Variants in HSPA4L observed in about 807,000 individuals in gnomAD.
The protein encoded by HSPA4L is heat shock protein family A (Hsp70) member 4 like.
In HSPA4L, 48 loss-of-function variants were observed where a neutral mutation model predicts 100.3. The ratio of observed to expected loss-of-function variants is 0.48; its 90% CI spans 0.38 to 0.61. The LOEUF (loss-of-function observed/expected upper bound fraction) is 0.61, where lower values mean the gene tolerates loss of function less well. HSPA4L is among the 20% of genes least tolerant of loss of function. The pLI is 0.00. For synonymous variants in HSPA4L, 319 were observed against 328.2 expected, an observed-to-expected ratio of 0.97 and a Z score of 0.30; for missense variants, 886 against 988.6, an observed-to-expected ratio of 0.90 and a Z score of 1.39.
intron 1 of HSPA4L, among the ~76,000 whole-genome samples, chr4:127,785,626 G>A (rs189447304): frequency 0.012 from 1,892 of 151,930 alleles, 24 homozygotes; most frequent in South Asian, 0.032. Flanking sequence ...TAGTAGAGAC[G>A]GGGTTTCACC....
chr4:127,804,222 T>TATA, intron 8 of HSPA4L, 135 bp downstream of exon 8: 1 of 656,944 alleles, frequency 1.5e-6, no homozygotes, highest in East Asian at 2.7e-5. Flanking sequence ...GGAAGGAGAT[T>TATA]ATAACTCATT....
chr4:127,822,670 G>T, intron 14 of HSPA4L, 99 bp from the exon 15 acceptor site: 2 of 1,120,366 alleles, frequency 1.8e-6, no homozygotes, highest in Admixed American at 2.4e-5. Flanking sequence ...TTTTTGTATT[G>T]TAATCATCCT....
chr4:127,811,939 T>A (rs1733542480), intron 12 of HSPA4L, among the ~76,000 whole-genome samples: 1 of 152,202 alleles, frequency 6.6e-6, no homozygotes, highest in African/African-American at 2.4e-5. Flanking sequence ...AAACATGTAT[T>A]TTATTATGGC....
At position 127,818,434 on chromosome 4, in the gene HSPA4L, T is replaced by C; in HGVS notation, c.1674+14T>C. On this transcript the variant is annotated intron_variant, in intron 13 of 18. Coordinates refer to ENST00000296464, the MANE Select transcript of HSPA4L (RefSeq NM_014278.4). ...GCCAAAACAAAGGTTTGGTTTACTT[T>C]TTCTGTAGTTATGTCTTTTTGAAAT... 6.6e-7 allele frequency: 1 copy of C among 1,509,260 alleles called. No individual in the cohort carries two copies. Among genetic ancestry groups the C allele is most frequent in the South Asian group, 1.2e-5 (1 of 83,224 alleles). The allele number at this position is 1,509,260 out of a possible 1,614,324, so 93.5% of individuals were successfully genotyped here.
At chr4:127,809,923 T>A (rs994648700) in intron 11 of HSPA4L, among the ~76,000 whole-genome samples, 1 of 152,242 alleles carries the variant, frequency 6.6e-6, no homozygotes, top group Admixed American at 6.5e-5. Flanking sequence ...GGTGTCAGTG[T>A]ACCTTTTGAG....
chr4:127,819,819 G>C (rs1027316157), intron 13 of HSPA4L, among the ~76,000 whole-genome samples: 1 of 152,062 alleles, frequency 6.6e-6, no homozygotes. Context: ...TTTTATGGCC[G>C]AATAATACGG....
Position 127,818,434 on chromosome 4 carries a change from T to A in HSPA4L, c.1674+14T>A. On this transcript the variant is annotated intron_variant, in intron 13 of 18. Transcript: ENST00000296464. ...GCCAAAACAAAGGTTTGGTTTACTT[T>A]TTCTGTAGTTATGTCTTTTTGAAAT... 6.6e-7 allele frequency: 1 copy of A among 1,509,260 alleles called. No individual in the cohort carries two copies. 93.5% of individuals were successfully genotyped at this position (1,509,260 alleles called of 1,614,324 possible).
In HSPA4L at chr4:127,835,908, A is replaced by G. The variant is rs1359017533; in HGVS notation, c.*3034A>G. Reference sequence around the variant, plus strand: ...AGACCAGCCTGAGAAACATAGTGAGACCCTGTCTCTAAAAAAATAAAAACT... The same window carrying G: ...AGACCAGCCTGAGAAACATAGTGAGGCCCTGTCTCTAAAAAAATAAAAACT... On this transcript the variant is annotated 3_prime_UTR_variant, in exon 19 of 19. Coordinates refer to ENST00000296464, the MANE Select transcript of HSPA4L (RefSeq NM_014278.4). 1 of 152,552 alleles carries G rather than the reference A, an allele frequency of 6.6e-6. No individual in the cohort carries two copies. Among genetic ancestry groups the G allele is most frequent in the Non-Finnish European group, 1.5e-5 (1 of 68,366 alleles). 9.4% of individuals were successfully genotyped at this position (152,552 alleles called of 1,614,324 possible). A position where few individuals can be genotyped will look rare whatever the true frequency, so the allele number is the denominator to read the frequency against.
chr4:127,799,587 T>C lies in HSPA4L; in HGVS notation c.429+878T>C, dbSNP rs373345133. ...CCCAAGCCCATGCTCATAATTGTTA[T>C]ACTGCCACTTGAAAGGATATGTTAG... On this transcript the variant is annotated intron_variant, in intron 4 of 18. Transcript: ENST00000296464. Among the ~76,000 whole-genome samples, 402 of 152,356 alleles carry C rather than the reference T, an allele frequency of 2.6e-3. 24 individuals carry two copies. In the South Asian group the frequency reaches 0.081, roughly 31 times the overall value.
At position 127,827,437 on chromosome 4, in the gene HSPA4L, T is replaced by G; in HGVS notation, c.2166+13T>G. 6.2e-7 allele frequency: 1 copy of G among 1,613,462 alleles called. No homozygotes were observed. The highest frequency in any genetic ancestry group is 8.5e-7 in the Non-Finnish European group (1 of 1,179,568). ...TTATAGAAACAAGGTATTGAATTCA[T>G]AAAGCCAATTGGTGACGATGGCATG... is the stretch of plus-strand genomic sequence containing the variant. On this transcript the variant is annotated intron_variant, in intron 17 of 18. Transcript: ENST00000296464.
At chr4:127,805,851 C>A in intron 10 of HSPA4L, 58 bp downstream of exon 10, 1 of 1,139,300 alleles carries the variant, frequency 8.8e-7, no homozygotes, top group Non-Finnish European at 1.3e-6. Context: ...CCAGTTAAAC[C>A]TACTTTTCTA....
At chr4:127,794,016 A>G in intron 1 of HSPA4L, 61 bp from the exon 2 acceptor site, 3 of 1,214,172 alleles carry the variant, frequency 2.5e-6, no homozygotes, top group Non-Finnish European at 3.5e-6. Flanking sequence ...AAGGAGAAGC[A>G]AAATAATAGC....
chr4:127,811,623 A>G lies in HSPA4L; in HGVS notation c.1565A>G (p.Asn522Ser). 6.2e-7 allele frequency: 1 copy of G among 1,610,592 alleles called. No individual in the cohort carries two copies. Among genetic ancestry groups the G allele is most frequent in the South Asian group, 1.1e-5 (1 of 90,922 alleles). Reference protein sequence around the residue: ...METETSFKNENKDNMDKMQVD... With the variant: ...METETSFKNESKDNMDKMQVD... ...ACAGAAACTTCATTTAAAAATGAAA[A>G]CAAAGATAATATGGTATGTAGAAAT... The change falls in exon 12 of 19, where the codon AAC (asparagine) becomes AGC (serine). Residue 522 changes from asparagine to serine, a missense_variant. Asn to Ser is a conservative substitution (Grantham distance 46). Coordinates refer to ENST00000296464, the MANE Select transcript of HSPA4L (RefSeq NM_014278.4).
chr4:127,804,477 G>A (rs551685710), intron 8 of HSPA4L, among the ~76,000 whole-genome samples: 3 of 152,006 alleles, frequency 2.0e-5, no homozygotes, highest in Admixed American at 6.6e-5. Context: ...ATGATGGTGC[G>A]CACCTGTAAC....
intron 16 of HSPA4L, 26 bp downstream of exon 16, chr4:127,823,650 G>A (rs890205094): frequency 7.2e-7 from 1 of 1,395,004 alleles, no homozygotes. Context: ...GTCCATGTTA[G>A]TATAAACCAG....
At position 127,805,070 on chromosome 4, in the gene HSPA4L, C is replaced by T. The variant is rs1189955579; in HGVS notation, c.986-3C>T. 6.4e-7 allele frequency: 1 copy of T among 1,566,458 alleles called. No homozygotes were observed. The highest frequency in any genetic ancestry group is 2.3e-5 in the East Asian group (1 of 43,940). On this transcript the variant is annotated splice_polypyrimidine_tract_variant and splice_region_variant and intron_variant, in intron 8 of 18. Transcript: ENST00000296464. ...ATTTTTCTCAATTAAAAAAATTTTC[C>T]AGACTTACAACGTGAAGACATTAGT... is the stretch of plus-strand genomic sequence containing the variant.
chr4:127,809,095 C>T (rs1205126228), intron 11 of HSPA4L: 12 of 593,954 alleles, frequency 2.0e-5, no homozygotes, highest in East Asian at 8.3e-5. Flanking sequence ...GAGGCGGTCC[C>T]GGAGTTCTTG....
At position 127,835,594 on chromosome 4, in the gene HSPA4L, C is replaced by T. The variant is rs949725720; in HGVS notation, c.*2720C>T. On this transcript the variant is annotated 3_prime_UTR_variant, in exon 19 of 19. Transcript: ENST00000296464. The stretch of plus-strand genomic sequence containing the variant: ...GGCATGTCCCTGTAATCTCAGCTAC[C>T]CGGGAGGCTCAGGCAGGAGAATCGC... The T allele has an allele frequency of 2.6e-5, 4 of 151,704 alleles. No individual in the cohort carries two copies. The highest frequency in any genetic ancestry group is 1.3e-4 in the Admixed American group (2 of 15,220). 9.4% of individuals were successfully genotyped at this position (151,704 alleles called of 1,614,324 possible).
intron 10 of HSPA4L, among the ~76,000 whole-genome samples, 182 bp downstream of exon 10, chr4:127,805,975 TTA>T (rs1254871589): frequency 2.0e-5 from 3 of 152,030 alleles, no homozygotes; most frequent in African/African-American, 7.2e-5. Context: ...ATTTTTAAAT[TTA>T]TGTTTTTTAT....
Sources: allele counts gnomAD v4.1 joint callset (sites outside exome capture counted in the v4.1 genomes callset), GRCh38; gene constraint gnomAD v4.1.1; transcripts MANE v1.5; gene names NCBI Gene and HGNC (gene_info 2026-07-23, HGNC 2026-07-21).